ZNF423: variants seen among roughly 807,000 people sequenced by gnomAD.
The protein encoded by ZNF423 is Ebf-associated zinc finger protein.
ZNF423 carries 12 observed loss-of-function variants against 95.8 expected under a neutral mutation model. The ratio of observed to expected loss-of-function variants is 0.13; its 90% CI spans 0.08 to 0.20. The LOEUF is 0.20. ZNF423 is among the 10% of genes least tolerant of loss of function. The pLI is 1.00. For missense variants in ZNF423, 1,316 were observed against 1,737.1 expected (o/e 0.76, Z 4.31); for synonymous variants, 749 against 711.9 (o/e 1.05, Z -0.83).
At chr16:49,605,228 G>A (rs968518339) in intron 5 of ZNF423, among the ~76,000 whole-genome samples, 1 of 152,118 alleles carries the variant, frequency 6.6e-6, no homozygotes, top group African/African-American at 2.4e-5. Flanking sequence ...TCCTGGGGGT[G>A]GAGGATGCTT....
At chr16:49,854,202 C>T in intron 1 of ZNF423, 7 of 985,408 alleles carry the variant, frequency 7.1e-6, no homozygotes, top group Non-Finnish European at 8.4e-6. Context: ...ATTGGGAGAC[C>T]AGCCAGGGTG....
At chr16:49,761,279 T>G (rs1189284328) in intron 2 of ZNF423, among the ~76,000 whole-genome samples, 1 of 152,212 alleles carries the variant, frequency 6.6e-6, no homozygotes, top group Non-Finnish European at 1.5e-5. Context: ...TAGCTGCCAA[T>G]AGCTCCATTC....
chr16:49,604,394 C>T (rs1297325873), intron 5 of ZNF423, among the ~76,000 whole-genome samples: 1 of 152,100 alleles, frequency 6.6e-6, no homozygotes, highest in African/African-American at 2.4e-5. Flanking sequence ...CCAGTGAAAA[C>T]TTCAAAGGAC....
chr16:49,688,523 C>T (rs930063278), intron 3 of ZNF423, among the ~76,000 whole-genome samples: 59 of 152,146 alleles, frequency 3.9e-4, no homozygotes, highest in African/African-American at 1.3e-3. Flanking sequence ...GCGGCTCCCC[C>T]GGAGGCTGAA....
intron 3 of ZNF423, among the ~76,000 whole-genome samples, chr16:49,664,916 C>G (rs2030462552): frequency 6.6e-6 from 1 of 152,262 alleles, no homozygotes; most frequent in South Asian, 2.1e-4. Flanking sequence ...CTCTGAACGC[C>G]CCTCATTGTG....
chr16:49,718,389 G>C (rs2032769715), intron 3 of ZNF423, among the ~76,000 whole-genome samples: 1 of 152,168 alleles, frequency 6.6e-6, no homozygotes, highest in African/African-American at 2.4e-5. Context: ...CTGGGTGACA[G>C]AGTGATACTC....
At chr16:49,757,161 C>T (rs2033742784) in intron 2 of ZNF423, among the ~76,000 whole-genome samples, 1 of 152,174 alleles carries the variant, frequency 6.6e-6, no homozygotes, top group South Asian at 2.1e-4. Context: ...TCCTCCACAA[C>T]AAAGACAAAA....
intron 3 of ZNF423, among the ~76,000 whole-genome samples, chr16:49,724,335 A>C (rs1389427223): frequency 2.6e-5 from 4 of 152,194 alleles, no homozygotes; most frequent in African/African-American, 9.7e-5. Context: ...AAAACTCTTA[A>C]GATAGGGGGC....
intron 3 of ZNF423, among the ~76,000 whole-genome samples, chr16:49,690,890 C>A (rs113218557): frequency 0.035 from 5,372 of 152,236 alleles, 151 homozygotes; most frequent in East Asian, 0.071. Context: ...GGCTGCAGCT[C>A]CAGAGACAGC....
chr16:49,818,229 CAT>C (rs1567357759), intron 1 of ZNF423, among the ~76,000 whole-genome samples: 1 of 152,026 alleles, frequency 6.6e-6, no homozygotes, highest in African/African-American at 2.4e-5. Flanking sequence ...AGAGCAAAGC[CAT>C]ATAAAAATAC....
intron 3 of ZNF423, among the ~76,000 whole-genome samples, chr16:49,715,857 G>C (rs1280717240): frequency 6.6e-6 from 1 of 151,626 alleles, no homozygotes; most frequent in Non-Finnish European, 1.5e-5. Context: ...GGGCAGCATA[G>C]AGAGACCCCA....
intron 7 of ZNF423, among the ~76,000 whole-genome samples, chr16:49,522,145 G>A (rs778804909): frequency 2.0e-5 from 3 of 152,236 alleles, no homozygotes; most frequent in African/African-American, 4.8e-5. Flanking sequence ...GGATGAGGGA[G>A]GGTGCTGCTG....
At position 49,491,214 on chromosome 16, in the gene ZNF423, G is replaced by T; in HGVS notation, c.*61C>A. On this transcript the variant is annotated 3_prime_UTR_variant, in exon 8 of 8. Coordinates refer to ENST00000563137, the MANE Select transcript of ZNF423 (RefSeq NM_001379286.1). The stretch of plus-strand genomic sequence containing the variant: ...CTTTGATTGGATGTAATGTTCAAAT[G>T]GCCCTCCCCACGGCGTCTCCGGCAA... The T allele has an allele frequency of 6.2e-7, 1 of 1,604,518 alleles. No homozygotes were observed. Among genetic ancestry groups the T allele is most frequent in the South Asian group, 1.1e-5 (1 of 90,878 alleles).
At position 49,753,362 on chromosome 16, in the gene ZNF423, G is replaced by A. The variant is rs573414680; in HGVS notation, c.101-22391C>T. ...CACACCTATAATACTAGCACTTTGC[G>A]AAGCTGAGGTGGGAGGATTGCTTGA... On this transcript the variant is annotated intron_variant, in intron 2 of 7. Transcript: ENST00000563137. 7.2e-5 allele frequency among the ~76,000 whole-genome samples: 11 copies of A among 151,924 alleles called. No individual in the cohort carries two copies. The South Asian group carries it at 2.1e-3, about 29-fold the overall frequency.
chr16:49,755,259 C>T (rs1240513252), intron 2 of ZNF423, among the ~76,000 whole-genome samples: 1 of 152,182 alleles, frequency 6.6e-6, no homozygotes, highest in Non-Finnish European at 1.5e-5. Flanking sequence ...GAGGGCACAG[C>T]CCCCAGAAGA....
At chr16:49,594,826 C>T (rs926075622) in intron 5 of ZNF423, among the ~76,000 whole-genome samples, 4 of 152,202 alleles carry the variant, frequency 2.6e-5, no homozygotes, top group African/African-American at 7.2e-5. Flanking sequence ...GAGGCCACCA[C>T]TCAGGCTCAC....
rs547285631 is a variant in ZNF423 at position 49,773,597 on chromosome 16, T to C, written c.100+15890A>G. ...GTCCTCATTTTTTGGCAAATGTGCCTATCTATGTTGAAGGAAGTTAAATGA... is the reference window on the plus strand; with the variant it reads ...GTCCTCATTTTTTGGCAAATGTGCCCATCTATGTTGAAGGAAGTTAAATGA... On this transcript the variant is annotated intron_variant, in intron 2 of 7. Coordinates refer to ENST00000563137, the MANE Select transcript of ZNF423 (RefSeq NM_001379286.1). Among the ~76,000 whole-genome samples, 4 of 152,296 alleles carry C rather than the reference T, an allele frequency of 2.6e-5. No homozygotes were observed. The South Asian group carries it at 8.3e-4, about 32-fold the overall frequency.
intron 3 of ZNF423, among the ~76,000 whole-genome samples, chr16:49,683,922 T>C (rs779250067): frequency 2.0e-5 from 3 of 152,084 alleles, no homozygotes; most frequent in Non-Finnish European, 4.4e-5. Flanking sequence ...AATTTAAAAA[T>C]TAGCCAGGCT....
chr16:49,840,497 C>G (rs539874513), intron 1 of ZNF423, among the ~76,000 whole-genome samples: 1 of 152,106 alleles, frequency 6.6e-6, no homozygotes, highest in Non-Finnish European at 1.5e-5. Flanking sequence ...CACAATGCTC[C>G]GAAAATATCT....
Sources: gnomAD v4.1 joint callset for allele counts (sites outside exome capture counted in the v4.1 genomes callset) on GRCh38, gnomAD v4.1.1 for gene constraint, MANE v1.5 for transcripts, NCBI Gene and HGNC (gene_info 2026-07-23, HGNC 2026-07-21) for gene names.